The following TBC1D5 variants were observed in gnomAD, a reference collection of about 807,000 sequenced individuals.
TBC1D5 encodes the protein TBC1 domain family, member 5.
TBC1D5 carries 75 observed loss-of-function variants against 100.3 expected under a neutral mutation model. The ratio of observed to expected loss-of-function variants is 0.75; its 90% CI spans 0.62 to 0.91. The LOEUF (loss-of-function observed/expected upper bound fraction) is 0.91, where lower values mean the gene tolerates loss of function less well. Ranked by LOEUF, TBC1D5 falls within the 40% of genes least tolerant of loss-of-function variation. The probability of loss-of-function intolerance (pLI) is 0.00; values close to 1 mark genes in which losing one functional copy is unlikely to be tolerated. For missense variants in TBC1D5, 910 were observed against 942.4 expected, an observed-to-expected ratio of 0.97 and a Z score of 0.45; for synonymous variants, 323 against 325.6, an observed-to-expected ratio of 0.99 and a Z score of 0.09.
chr3:17,503,286 G>A lies in TBC1D5; in HGVS notation c.97+5188C>T. 1.3e-5 allele frequency among the ~76,000 whole-genome samples: 2 copies of A among 149,542 alleles called. 1 individual carries two copies. The highest frequency in any genetic ancestry group is 1.3e-4 in the Admixed American group (2 of 15,164). On this transcript the variant is annotated intron_variant, in intron 3 of 21. Transcript: ENST00000253692. ...CTAACAGCTACTCATCCTTCAGGTT[G>A]TGGCTTAGATAGACATCACACCTTC... is the stretch of plus-strand genomic sequence containing the variant.
chr3:17,618,382 G>C (rs968946284), intron 2 of TBC1D5, among the ~76,000 whole-genome samples: 6 of 152,212 alleles, frequency 3.9e-5, no homozygotes, highest in African/African-American at 9.6e-5. Context: ...TAGGCAGTCT[G>C]TCCATTCTCA....
At chr3:17,455,456 G>GTGTATATATATGTGTATATATA (rs1196670219) in intron 3 of TBC1D5, among the ~76,000 whole-genome samples, 39 of 146,018 alleles carry the variant, frequency 2.7e-4, no homozygotes, top group Non-Finnish European at 5.4e-4. Flanking sequence ...ATATATGTGT[G>GTGTATATATATGTGTATATATA]TGTATATATA....
intron 8 of TBC1D5, among the ~76,000 whole-genome samples, chr3:17,384,274 G>T (rs1435546976): frequency 6.6e-6 from 1 of 152,004 alleles, no homozygotes; most frequent in East Asian, 1.9e-4. Flanking sequence ...ACACATATGT[G>T]AATATGATAG....
intron 1 of TBC1D5, among the ~76,000 whole-genome samples, chr3:17,644,882 C>T (rs752635228): frequency 6.6e-6 from 1 of 152,034 alleles, no homozygotes; most frequent in East Asian, 1.9e-4. Context: ...ATTATGGTTG[C>T]AGGATTTATG....
At chr3:17,434,417 G>A (rs145007768) in intron 3 of TBC1D5, among the ~76,000 whole-genome samples, 48 of 152,288 alleles carry the variant, frequency 3.2e-4, no homozygotes, top group African/African-American at 1.1e-3. Flanking sequence ...AGCTGCCAAG[G>A]CTTGGGGCTT....
chr3:17,237,026 T>C (rs1020782488), intron 17 of TBC1D5, among the ~76,000 whole-genome samples: 4 of 152,236 alleles, frequency 2.6e-5, no homozygotes, highest in Non-Finnish European at 5.9e-5. Context: ...AATGGCACTA[T>C]GTAAAATCAG....
chr3:17,486,433 T>C (rs1027253609), intron 3 of TBC1D5, among the ~76,000 whole-genome samples: 4 of 152,340 alleles, frequency 2.6e-5, no homozygotes, highest in Admixed American at 6.5e-5. Context: ...TCCTGAATGG[T>C]AATGCCTAGG....
At chr3:17,370,422 T>C (rs990583293) in intron 13 of TBC1D5, among the ~76,000 whole-genome samples, 4 of 152,212 alleles carry the variant, frequency 2.6e-5, no homozygotes, top group African/African-American at 9.6e-5. Flanking sequence ...CTGACCTTGT[T>C]ACTAGCTCTT....
At chr3:17,323,523 C>T (rs781690969) in intron 13 of TBC1D5, among the ~76,000 whole-genome samples, 17 of 151,950 alleles carry the variant, frequency 1.1e-4, no homozygotes, top group Non-Finnish European at 2.4e-4. Flanking sequence ...AGAAAAGATA[C>T]AGGATGTAAG....
At position 17,396,317 on chromosome 3, in the gene TBC1D5, A is replaced by AT. The variant is rs555925726; in HGVS notation, c.509+6863dup. Among the ~76,000 whole-genome samples, 1,024 of 150,020 alleles carry AT rather than the reference A, an allele frequency of 6.8e-3. 3 individuals are homozygous for AT. Among genetic ancestry groups the AT allele is most frequent in the Non-Finnish European group, 0.011 (762 of 67,328 alleles). On this transcript the variant is annotated intron_variant, in intron 8 of 21. Transcript: ENST00000253692. ...TGATCACAGGAATATGGCAGCTTGT[A>AT]TTTTTTTTTTCTCTTTAACATTTTA...
chr3:17,564,370 A>G (rs2096580601), intron 2 of TBC1D5, among the ~76,000 whole-genome samples: 1 of 152,208 alleles, frequency 6.6e-6, no homozygotes, highest in Non-Finnish European at 1.5e-5. Flanking sequence ...TTTATTATGC[A>G]TCTACTATGA....
chr3:17,593,200 G>A (rs2060345069), intron 2 of TBC1D5, among the ~76,000 whole-genome samples: 1 of 152,138 alleles, frequency 6.6e-6, no homozygotes, highest in East Asian at 1.9e-4. Context: ...AGAAGATTAG[G>A]TGACCTCAGC....
intron 3 of TBC1D5, among the ~76,000 whole-genome samples, chr3:17,432,329 T>A (rs554551994): frequency 6.6e-6 from 1 of 152,286 alleles, no homozygotes; most frequent in South Asian, 2.1e-4. Context: ...ATGTTTTAGT[T>A]AACTTTAAAA....
At chr3:17,388,666 T>C (rs1349661172) in intron 8 of TBC1D5, among the ~76,000 whole-genome samples, 1 of 131,270 alleles carries the variant, frequency 7.6e-6, no homozygotes, top group Non-Finnish European at 1.6e-5. Flanking sequence ...TTGGGCAACA[T>C]AGCGAGACCC....
At chr3:17,415,824 C>T (rs961410455) in intron 4 of TBC1D5, among the ~76,000 whole-genome samples, 1 of 152,076 alleles carries the variant, frequency 6.6e-6, no homozygotes, top group Non-Finnish European at 1.5e-5. Flanking sequence ...AAATCCTCTC[C>T]CTGCAGACCT....
At chr3:17,471,718 C>A (rs2095376924) in intron 3 of TBC1D5, among the ~76,000 whole-genome samples, 1 of 150,702 alleles carries the variant, frequency 6.6e-6, no homozygotes, top group East Asian at 1.9e-4. Context: ...AAGTTGATAT[C>A]CAGTACATGT....
At chr3:17,464,579 A>C (rs549339404) in intron 3 of TBC1D5, among the ~76,000 whole-genome samples, 64 of 152,152 alleles carry the variant, frequency 4.2e-4, no homozygotes, top group Admixed American at 4.2e-3. Flanking sequence ...TTCTTCCTAA[A>C]ACTAGAGCAG....
At chr3:17,257,208 T>C (rs1207927704) in intron 16 of TBC1D5, among the ~76,000 whole-genome samples, 1 of 152,164 alleles carries the variant, frequency 6.6e-6, no homozygotes, top group Non-Finnish European at 1.5e-5. Flanking sequence ...AGACAAAGGA[T>C]TCCAGCTAAA....
At chr3:17,652,272 C>T (rs1166059596) in intron 1 of TBC1D5, among the ~76,000 whole-genome samples, 1 of 151,920 alleles carries the variant, frequency 6.6e-6, no homozygotes, top group Non-Finnish European at 1.5e-5. Flanking sequence ...CTTTCTCTAC[C>T]CTACTATATA....
Sources: gnomAD v4.1 joint callset for allele counts (sites outside exome capture counted in the v4.1 genomes callset) on GRCh38, gnomAD v4.1.1 for gene constraint, MANE v1.5 for transcripts, NCBI Gene and HGNC (gene_info 2026-07-23, HGNC 2026-07-21) for gene names.